LRRC37A2: variants seen among roughly 807,000 people sequenced by gnomAD.
LRRC37A2 encodes the protein leucine rich repeat containing 37 member A2.
In LRRC37A2, 9 loss-of-function variants were observed where a neutral mutation model predicts 68.8. The ratio of observed to expected loss-of-function variants is 0.13; its 90% CI spans 0.08 to 0.23. LRRC37A2 has a LOEUF of 0.23. LRRC37A2 is among the 10% of genes least tolerant of loss of function. The probability of loss-of-function intolerance (pLI) is 1.00; values close to 1 mark genes in which losing one functional copy is unlikely to be tolerated. For missense variants in LRRC37A2, 168 were observed against 950.4 expected, an observed-to-expected ratio of 0.18 and a Z score of 10.82; for synonymous variants, 63 against 367.6, an observed-to-expected ratio of 0.17 and a Z score of 9.48.
the LRRC37A2 span, among the ~76,000 whole-genome samples, chr17:46,772,653 C>T: frequency 2.0e-5 from 3 of 152,280 alleles, no homozygotes; most frequent in East Asian, 5.8e-4. Flanking sequence ...TGCTAATTAC[C>T]CTCCTGTCCC....
chr17:46,609,409 T>C, the LRRC37A2 span, among the ~76,000 whole-genome samples: 1 of 151,852 alleles, frequency 6.6e-6, no homozygotes, highest in Non-Finnish European at 1.5e-5. Context: ...GTCACTGCTT[T>C]GTTGTTAATT....
the LRRC37A2 span, among the ~76,000 whole-genome samples, chr17:46,845,780 G>A: frequency 7.5e-6 from 1 of 134,202 alleles, no homozygotes; most frequent in Non-Finnish European, 1.5e-5. Context: ...GAGCCACTGT[G>A]CTGGCTTTTT....
chr17:46,723,164 A>G, the LRRC37A2 span, among the ~76,000 whole-genome samples: 1 of 152,166 alleles, frequency 6.6e-6, no homozygotes, highest in Non-Finnish European at 1.5e-5. Flanking sequence ...TTGCAGCCAT[A>G]TAAGCTGTAC....
chr17:46,856,521 G>A, the LRRC37A2 span, among the ~76,000 whole-genome samples: 15 of 144,046 alleles, frequency 1.0e-4, no homozygotes, highest in Non-Finnish European at 2.0e-4. Flanking sequence ...GTCTCACTAT[G>A]TCGCCCAGGC....
At chr17:46,927,871 G>C in the LRRC37A2 span, among the ~76,000 whole-genome samples, 1 of 151,686 alleles carries the variant, frequency 6.6e-6, no homozygotes, top group Non-Finnish European at 1.5e-5. Context: ...GTCACTGTTC[G>C]TGTTGATCAT....
chr17:46,473,932 G>A, the LRRC37A2 span, among the ~76,000 whole-genome samples: 1 of 107,712 alleles, frequency 9.3e-6, no homozygotes, highest in Admixed American at 8.9e-5. Flanking sequence ...ATCCTTATCA[G>A]AGATTTAATG....
At chr17:46,847,029 T>A in the LRRC37A2 span, among the ~76,000 whole-genome samples, 8 of 152,352 alleles carry the variant, frequency 5.3e-5, no homozygotes, top group African/African-American at 1.7e-4. Flanking sequence ...TGTATTTTTC[T>A]CCTCCCCACT....
chr17:46,943,632 G>A, the LRRC37A2 span, among the ~76,000 whole-genome samples: 3 of 152,152 alleles, frequency 2.0e-5, no homozygotes, highest in East Asian at 1.9e-4. Flanking sequence ...AGGCGCCATC[G>A]GGTAAGCGGC....
At chr17:46,401,306 T>G in the LRRC37A2 span, among the ~76,000 whole-genome samples, 8 of 152,046 alleles carry the variant, frequency 5.3e-5, no homozygotes, top group African/African-American at 1.9e-4. Context: ...TGCAAACATG[T>G]AGACAGAATA....
chr17:46,998,269 T>A, the LRRC37A2 span, among the ~76,000 whole-genome samples: 1 of 152,218 alleles, frequency 6.6e-6, no homozygotes, highest in Admixed American at 6.5e-5. Flanking sequence ...GGCTACGGGG[T>A]ATGCTGGGAG....
chr17:46,805,407 T>C, the LRRC37A2 span, among the ~76,000 whole-genome samples: 1 of 152,020 alleles, frequency 6.6e-6, no homozygotes, highest in African/African-American at 2.4e-5. Context: ...ATCCCATCTC[T>C]ACTAAAAATA....
At chr17:46,752,069 G>A in the LRRC37A2 span, among the ~76,000 whole-genome samples, 4 of 152,142 alleles carry the variant, frequency 2.6e-5, no homozygotes, top group Non-Finnish European at 4.4e-5. Flanking sequence ...CTGCTTTAAG[G>A]GACAAGTTAA....
the LRRC37A2 span, among the ~76,000 whole-genome samples, chr17:46,871,346 G>A: frequency 2.0e-5 from 3 of 152,170 alleles, no homozygotes; most frequent in Non-Finnish European, 1.5e-5. Flanking sequence ...TTTTGAACCA[G>A]CAGAGCCATC....
chr17:46,940,952 T>C, the LRRC37A2 span: 4 of 1,245,288 alleles, frequency 3.2e-6, no homozygotes, highest in Non-Finnish European at 3.1e-6. Context: ...AGTGTGACTC[T>C]CTCCACCGCC....
the LRRC37A2 span, among the ~76,000 whole-genome samples, chr17:46,810,485 G>A: frequency 6.6e-6 from 1 of 152,190 alleles, no homozygotes; most frequent in Admixed American, 6.5e-5. Flanking sequence ...ACTGGTCACG[G>A]GGCATGCCCA....
chr17:47,020,775 C>T, the LRRC37A2 span, among the ~76,000 whole-genome samples: 1 of 9,326 alleles, frequency 1.1e-4, no homozygotes. Context: ...GAGCAAGACT[C>T]CATCTCAAAA....
the LRRC37A2 span, among the ~76,000 whole-genome samples, chr17:46,934,140 G>A: frequency 2.0e-5 from 3 of 150,258 alleles, no homozygotes; most frequent in South Asian, 2.1e-4. Context: ...CAGGCCCTGC[G>A]CTCAGTACCC....
the LRRC37A2 span, among the ~76,000 whole-genome samples, chr17:46,961,211 CAG>C: frequency 1.3e-5 from 2 of 151,986 alleles, no homozygotes; most frequent in African/African-American, 2.4e-5. Context: ...ACTAAAAAAA[CAG>C]AAATAATATG....
chr17:47,026,277 A>G, the LRRC37A2 span, among the ~76,000 whole-genome samples: 1 of 152,362 alleles, frequency 6.6e-6, no homozygotes, highest in East Asian at 1.9e-4. Flanking sequence ...AAGGAATGCC[A>G]TGAGTACCCG....
Sources: allele counts gnomAD v4.1 joint callset (sites outside exome capture counted in the v4.1 genomes callset), GRCh38; gene constraint gnomAD v4.1.1; transcripts MANE v1.5; gene names NCBI Gene and HGNC (gene_info 2026-07-23, HGNC 2026-07-21).